NAV2: variants seen among roughly 807,000 people sequenced by gnomAD.
NAV2 encodes neuron navigator 2.
In NAV2, 54 loss-of-function variants were observed where a neutral mutation model predicts 223.2. The ratio of observed to expected loss-of-function variants is 0.24; its 90% CI spans 0.19 to 0.30. The LOEUF is 0.30. NAV2 is among the 10% of genes least tolerant of loss of function. NAV2 has a pLI of 1.00. For synonymous variants in NAV2, 1,279 were observed against 1,239.3 expected (o/e 1.03, Z -0.67); for missense variants, 2,806 against 3,147.5 (o/e 0.89, Z 2.60).
intron 1 of NAV2, among the ~76,000 whole-genome samples, chr11:19,667,973 AAG>A (rs2048463152): frequency 6.6e-6 from 1 of 152,098 alleles, no homozygotes. Flanking sequence ...TTATACTTCT[AAG>A]GTCCCTTGCA....
intron 29 of NAV2, 61 bp downstream of exon 29, chr11:20,093,260 A>G (rs2060986955): frequency 1.8e-6 from 2 of 1,118,878 alleles, no homozygotes. Flanking sequence ...TACCTAGCTT[A>G]GTGATCTAAT....
intron 1 of NAV2, chr11:19,759,973 C>A (rs1261773158): frequency 6.5e-6 from 1 of 154,258 alleles, no homozygotes; most frequent in Non-Finnish European, 1.5e-5. Context: ...TAGCATCCTT[C>A]AAAGCTGATT....
chr11:19,437,428 G>C (rs1851253567), intron 1 of NAV2, among the ~76,000 whole-genome samples: 1 of 151,920 alleles, frequency 6.6e-6, no homozygotes, highest in South Asian at 2.1e-4. Context: ...TATACAATCT[G>C]TTTCCAACCC....
intron 4 of NAV2, among the ~76,000 whole-genome samples, chr11:19,876,291 G>T (rs1302363658): frequency 1.3e-5 from 2 of 152,136 alleles, no homozygotes; most frequent in African/African-American, 2.4e-5. Flanking sequence ...CTCCCAAAGT[G>T]CTGGGATTAC....
chr11:19,940,259 A>G (rs1296063354), intron 8 of NAV2, among the ~76,000 whole-genome samples: 7 of 152,210 alleles, frequency 4.6e-5, no homozygotes, highest in African/African-American at 1.4e-4. Flanking sequence ...GAAACAAAAA[A>G]AAAATATAAA....
rs78608758 is a variant in NAV2, at chr11:19,753,622, G to A, written c.267+39660G>A. 4.6e-3 allele frequency among the ~76,000 whole-genome samples: 707 copies of A among 152,302 alleles called. 7 individuals are homozygous for A. The highest frequency in any genetic ancestry group is 0.014 in the African/African-American group (582 of 41,562). ...TCTGCTCATTGGTCTCCCCCTGCACGAGGACCTCCTTGAGAACAGCAAATG... is the reference window on the plus strand; with the variant it reads ...TCTGCTCATTGGTCTCCCCCTGCACAAGGACCTCCTTGAGAACAGCAAATG... On this transcript the variant is annotated intron_variant, in intron 1 of 37. Transcript: ENST00000349880.
chr11:19,970,213 G>C (rs536476945), intron 10 of NAV2, among the ~76,000 whole-genome samples: 1 of 152,106 alleles, frequency 6.6e-6, no homozygotes, highest in Non-Finnish European at 1.5e-5. Flanking sequence ...CTGTTGCCCA[G>C]GGTGGAGTGC....
chr11:19,907,937 A>G (rs1388648768), intron 6 of NAV2, among the ~76,000 whole-genome samples: 1 of 152,168 alleles, frequency 6.6e-6, no homozygotes, highest in Non-Finnish European at 1.5e-5. Flanking sequence ...TAGAGGAAAG[A>G]CATTGTAGCT....
intron 1 of NAV2, among the ~76,000 whole-genome samples, chr11:19,575,745 T>C (rs2045553868): frequency 6.6e-6 from 1 of 152,130 alleles, no homozygotes; most frequent in African/African-American, 2.4e-5. Flanking sequence ...GAGCTCCCGA[T>C]GGCCAGGGAT....
At chr11:20,034,358 T>TTTGTTGTTTTTTTTTTTTG (rs2056119527) in intron 11 of NAV2, among the ~76,000 whole-genome samples, 1 of 78,000 alleles carries the variant, frequency 1.3e-5, no homozygotes. Context: ...CAAGTTTTTT[T>TTTGTTGTTTTTTTTTTTTG]TTTGTTTTTT....
intron 20 of NAV2, among the ~76,000 whole-genome samples, chr11:20,065,424 A>G (rs2058980032): frequency 6.6e-6 from 1 of 152,268 alleles, no homozygotes; most frequent in South Asian, 2.1e-4. Flanking sequence ...GAAAGAAAAG[A>G]TTACACAGTG....
intron 1 of NAV2, among the ~76,000 whole-genome samples, chr11:19,799,377 G>A (rs559303160): frequency 6.6e-6 from 1 of 152,138 alleles, no homozygotes; most frequent in Non-Finnish European, 1.5e-5. Flanking sequence ...GCTGAGTGTT[G>A]TGTCCCTGTC....
chr11:19,383,168 C>T (rs923857116), intron 1 of NAV2, among the ~76,000 whole-genome samples: 2 of 152,220 alleles, frequency 1.3e-5, no homozygotes, highest in African/African-American at 2.4e-5. Context: ...TCTGTCCTGG[C>T]TCACAGCCCC....
At chr11:19,715,648 C>G (rs2050242700) in intron 1 of NAV2, among the ~76,000 whole-genome samples, 1 of 152,222 alleles carries the variant, frequency 6.6e-6, no homozygotes, top group South Asian at 2.1e-4. Context: ...TGTCAGAGGA[C>G]TGGCAGTGCA....
Position 20,048,871 on chromosome 11 carries a change from G to A in NAV2, c.4046G>A (p.Ser1349Asn). The change falls in exon 15 of 38, where the codon AGT (serine) becomes AAT (asparagine). Residue 1349 changes from serine to asparagine, a missense_variant. Around this residue, in one of 4 missense-constraint regions of NAV2, gnomAD observed 742 missense variants for 777.9 expected, o/e 0.95. Coordinates refer to ENST00000349880, the MANE Select transcript of NAV2 (RefSeq NM_145117.5). ...CCGTCAGGCAGTGGCGTCCTGAGCA[G>A]TGGGAGCAGCAGTCCTCTCTACAGC... ...DSPSGSGVLS[S>N]GSSSPLYSKN... 1 of 1,614,172 alleles carries A rather than the reference G, an allele frequency of 6.2e-7. No individual in the cohort carries two copies. The highest frequency in any genetic ancestry group is 8.5e-7 in the Non-Finnish European group (1 of 1,180,032).
intron 1 of NAV2, among the ~76,000 whole-genome samples, chr11:19,628,788 G>T (rs1384351251): frequency 6.6e-6 from 1 of 152,208 alleles, no homozygotes; most frequent in African/African-American, 2.4e-5. Context: ...AAAGAACCAG[G>T]TACACCAAGG....
At chr11:19,957,815 GA>G (rs2048009378) in intron 10 of NAV2, among the ~76,000 whole-genome samples, 1 of 152,222 alleles carries the variant, frequency 6.6e-6, no homozygotes, top group South Asian at 2.1e-4. Flanking sequence ...ATGGAGAAAT[GA>G]AGTGTGGTCC....
intron 26 of NAV2, among the ~76,000 whole-genome samples, chr11:20,083,506 G>A (rs1023631419): frequency 5.3e-5 from 8 of 152,160 alleles, no homozygotes; most frequent in Admixed American, 2.0e-4. Context: ...AGAATTGGAC[G>A]AGATAAATGG....
At chr11:19,607,092 G>A (rs780415866) in intron 1 of NAV2, among the ~76,000 whole-genome samples, 4 of 152,164 alleles carry the variant, frequency 2.6e-5, no homozygotes, top group Non-Finnish European at 4.4e-5. Flanking sequence ...AGAGCAGGCC[G>A]GTAACCACAC....
Sources: allele counts gnomAD v4.1 joint callset (sites outside exome capture counted in the v4.1 genomes callset), GRCh38; gene constraint gnomAD v4.1.1; regional missense constraint gnomAD v4.1.1; transcripts MANE v1.5; gene names NCBI Gene and HGNC (gene_info 2026-07-23, HGNC 2026-07-21).